Variants in C4orf50 observed in about 807,000 individuals in gnomAD.
C4orf50 encodes the protein uncharacterized protein C4orf50.
C4orf50 carries 80 observed loss-of-function variants against 77.2 expected under a neutral mutation model. The observed-to-expected ratio is 1.04, with a 90% CI of 0.87 to 1.25. The LOEUF is 1.25. Among genes scored for constraint, C4orf50 ranks in the 50% most tolerant of loss-of-function variants. C4orf50 has a pLI of 0.00. For missense variants in C4orf50, 1,257 were observed against 1,152.9 expected (o/e 1.09, Z -1.31); for synonymous variants, 532 against 465.3 (o/e 1.14, Z -1.84).
chr4:5,993,012 A>C, intron 26 of C4orf50, 82 bp from the exon 5 acceptor site: 1 of 394,028 alleles, frequency 2.5e-6, no homozygotes, highest in Non-Finnish European at 4.5e-6. Context: ...CACGTCCCCC[A>C]GGCTTGGGTA....
intron 25 of C4orf50, among the ~76,000 whole-genome samples, chr4:5,997,406 C>T (rs1012480415): frequency 1.3e-5 from 2 of 152,222 alleles, no homozygotes; most frequent in Non-Finnish European, 2.9e-5. Flanking sequence ...TGTACTGAAA[C>T]ATTGCCCATT....
At chr4:6,016,630 A>G (rs9998770) in intron 23 of C4orf50, among the ~76,000 whole-genome samples, 118,224 of 152,096 alleles carry the variant, frequency 0.78, 46,226 homozygotes, top group East Asian at 0.99. Context: ...AAGGGCCTAT[A>G]GACAACGTTC....
At chr4:5,976,273 A>G (rs1252163898) in intron 29 of C4orf50, among the ~76,000 whole-genome samples, 1 of 150,958 alleles carries the variant, frequency 6.6e-6, no homozygotes, top group Non-Finnish European at 1.5e-5. Flanking sequence ...GTGAAACCCC[A>G]TCTCTACTAA....
At chr4:5,948,793 CAAAA>C (rs530516177) in intron 7 of C4orf50, among the ~76,000 whole-genome samples, 1 of 103,864 alleles carries the variant, frequency 9.6e-6, no homozygotes, top group Admixed American at 1.0e-4. Flanking sequence ...ACACCATCTC[CAAAA>C]AAAAAAAAAA....
At chr4:5,928,082 A>C (rs1202981185) in intron 7 of C4orf50, among the ~76,000 whole-genome samples, 21 of 152,330 alleles carry the variant, frequency 1.4e-4, no homozygotes, top group Admixed American at 1.3e-3. Flanking sequence ...GGAACTTGCA[A>C]TATATTAAGG....
At chr4:5,988,008 G>A (rs574115591) in intron 28 of C4orf50, among the ~76,000 whole-genome samples, 12 of 152,318 alleles carry the variant, frequency 7.9e-5, no homozygotes, top group Admixed American at 6.5e-4. Flanking sequence ...AAACCCCAGG[G>A]TTGGAAAATG....
intron 25 of C4orf50, among the ~76,000 whole-genome samples, chr4:5,998,192 C>A (rs1267825677): frequency 6.6e-6 from 1 of 152,148 alleles, no homozygotes; most frequent in Non-Finnish European, 1.5e-5. Flanking sequence ...CCCTTTTAAC[C>A]TTTGACAGAT....
intron 7 of C4orf50, among the ~76,000 whole-genome samples, chr4:5,942,435 T>C (rs1718307810): frequency 6.6e-6 from 1 of 152,190 alleles, no homozygotes; most frequent in Admixed American, 6.5e-5. Context: ...GCAATATCAG[T>C]TTCTTGGCAT....
chr4:5,991,746 T>G (rs1405049594), intron 27 of C4orf50, among the ~76,000 whole-genome samples: 1 of 151,994 alleles, frequency 6.6e-6, no homozygotes, highest in Non-Finnish European at 1.5e-5. Flanking sequence ...AGGGAGCATC[T>G]CAAAGGACAG....
At chr4:5,961,642 C>T (rs1305782988) in intron 33 of C4orf50, among the ~76,000 whole-genome samples, 1 of 152,330 alleles carries the variant, frequency 6.6e-6, no homozygotes, top group African/African-American at 2.4e-5. Context: ...CCATACGGCT[C>T]TCAAGCCTGC....
At chr4:5,948,279 T>C (rs940222177) in intron 7 of C4orf50, among the ~76,000 whole-genome samples, 5 of 152,186 alleles carry the variant, frequency 3.3e-5, no homozygotes, top group African/African-American at 1.2e-4. Context: ...AGGTAAGTGA[T>C]GAAAGAATGG....
At chr4:5,920,499 T>A (rs1235080586) in intron 7 of C4orf50, among the ~76,000 whole-genome samples, 1 of 146,148 alleles carries the variant, frequency 6.8e-6, no homozygotes, top group Admixed American at 6.9e-5. Flanking sequence ...TTTTTTGAGA[T>A]GGAGTCTCAC....
At chr4:5,984,805 TTCTAAG>T (rs1173669030) in intron 28 of C4orf50, among the ~76,000 whole-genome samples, 2 of 151,704 alleles carry the variant, frequency 1.3e-5, no homozygotes, top group South Asian at 2.1e-4. Flanking sequence ...ATCAAGAATT[TTCTAAG>T]TCTGACAGAA....
chr4:6,001,486 A>C (rs949023555), intron 25 of C4orf50, among the ~76,000 whole-genome samples: 2 of 152,174 alleles, frequency 1.3e-5, no homozygotes, highest in South Asian at 4.1e-4. Flanking sequence ...ACCACCAGGG[A>C]GACAATTACC....
rs1718674765 is a variant in C4orf50 at position 5,950,647 on chromosome 4, T to A, written c.*2474+6254A>T. Among the ~76,000 whole-genome samples, 2 of 152,218 alleles carry A rather than the reference T, an allele frequency of 1.3e-5. 1 individual carries two copies. Among genetic ancestry groups the A allele is most frequent in the South Asian group, 4.1e-4 (2 of 4,822 alleles). On this transcript the variant is annotated intron_variant, in intron 7 of 7. Coordinates refer to the C4orf50 transcript ENST00000324058. ...AAATGGCACTTCCTCCAGGACATCTTGACTGATAACATCCAATAGAAAAGG... is the reference window on the plus strand; with the variant it reads ...AAATGGCACTTCCTCCAGGACATCTAGACTGATAACATCCAATAGAAAAGG...
At chr4:5,995,540 C>G (rs766881061) in intron 25 of C4orf50, among the ~76,000 whole-genome samples, 5 of 150,562 alleles carry the variant, frequency 3.3e-5, no homozygotes, top group African/African-American at 1.2e-4. Context: ...CCACCACTCA[C>G]GAGGGGCTGG....
chr4:5,933,259 G>A (rs576617863), intron 7 of C4orf50, among the ~76,000 whole-genome samples: 1 of 152,324 alleles, frequency 6.6e-6, no homozygotes, highest in African/African-American at 2.4e-5. Flanking sequence ...TAGCTTCATG[G>A]AACACAAGCG....
At chr4:5,985,200 T>C (rs189837006) in intron 28 of C4orf50, among the ~76,000 whole-genome samples, 1 of 152,136 alleles carries the variant, frequency 6.6e-6, no homozygotes, top group East Asian at 1.9e-4. Context: ...ATGAGAAAAT[T>C]AATCACCAGA....
chr4:5,940,420 T>A (rs1181109389), intron 7 of C4orf50, among the ~76,000 whole-genome samples: 3 of 152,230 alleles, frequency 2.0e-5, no homozygotes, highest in Non-Finnish European at 4.4e-5. Context: ...GCAGCCTGAA[T>A]CCCACCATAT....
Sources: allele counts gnomAD v4.1 joint callset (sites outside exome capture counted in the v4.1 genomes callset), GRCh38; gene constraint gnomAD v4.1.1; transcripts MANE v1.5; gene names NCBI Gene and HGNC (gene_info 2026-07-23, HGNC 2026-07-21).